MYH1: variants seen among roughly 807,000 people sequenced by gnomAD.
MYH1 encodes myosin heavy chain 1.
In MYH1, 214 loss-of-function variants were observed where a neutral mutation model predicts 225.6. The ratio of observed to expected loss-of-function variants is 0.95; its 90% CI spans 0.85 to 1.06. The LOEUF is 1.06. Ranked by LOEUF, MYH1 falls within the 50% of genes least tolerant of loss-of-function variation. MYH1 has a pLI of 0.00. For synonymous variants in MYH1, 774 were observed against 842.3 expected, an observed-to-expected ratio of 0.92 and a Z score of 1.40; for missense variants, 2,098 against 2,344.2, an observed-to-expected ratio of 0.89 and a Z score of 2.17.
chr17:10,511,988 C>T lies in MYH1; in HGVS notation c.1267G>A (p.Val423Met), dbSNP rs771746008. The change falls in exon 14 of 40, where the codon GTG becomes ATG. Residue 423 changes from valine (V) to methionine (M), a missense_variant and splice_region_variant. Coordinates refer to ENST00000226207, the MANE Select transcript of MYH1 (RefSeq NM_005963.4). ...YVTKGQTVQQ[V>M]YNAVGALAKA... ...GCCAGAGCACCCACTGCATTGTACA[C>T]CTTCACAGATAAAGTTTGTTGGTGT... 1.2e-6 allele frequency: 2 copies of T among 1,614,036 alleles called. No individual in the cohort carries two copies. The highest frequency in any genetic ancestry group is 1.7e-6 in the Non-Finnish European group (2 of 1,180,034).
intron 28 of MYH1, among the ~76,000 whole-genome samples, chr17:10,499,818 A>ACT: frequency 6.6e-6 from 1 of 152,216 alleles, no homozygotes; most frequent in Non-Finnish European, 1.5e-5. Context: ...AAAGAATAGT[A>ACT]TTTGAATACC....
rs144243564 is a variant in MYH1 at position 10,505,798 on chromosome 17, C to CA, written c.2174+13dup. On this transcript the variant is annotated intron_variant, in intron 19 of 39. Coordinates refer to ENST00000226207, the MANE Select transcript of MYH1 (RefSeq NM_005963.4). ...AAAAACCTCTTAAAATAATTTACAG[C>CA]AAAAATGTCTGACCTCTGTTTGAAG... 7.8e-4 allele frequency: 1,259 copies of CA among 1,613,504 alleles called. 10 individuals carry two copies. In the African/African-American group the frequency reaches 0.014, roughly 18 times the overall value.
rs142884848 is a variant in MYH1 at position 10,498,651 on chromosome 17, G to T, written c.4156C>A (p.Arg1386Ser). Residue 1386 changes from arginine to serine, a missense_variant, in exon 30 of 40, where the codon CGC (arginine) becomes AGC (serine). By Grantham distance (110) the Arg-to-Ser change is moderately radical. Transcript: ENST00000226207. Reference protein sequence around the residue: ...RTKYETDAIQRTEELEEAKKK... With the variant: ...RTKYETDAIQSTEELEEAKKK... ...TTGGCCTCCTCCAGCTCCTCTGTGC[G>T]CTGGATGGCATCTGTCTCATATTTG... 1 of 1,613,946 alleles carries T rather than the reference G, an allele frequency of 6.2e-7. No homozygotes were observed.
Position 10,509,479 on chromosome 17 carries a change from G to A in MYH1, c.1587+6C>T. The A allele has an allele frequency of 6.2e-7, 1 of 1,614,080 alleles. No individual in the cohort carries two copies. Among genetic ancestry groups the A allele is most frequent in the Non-Finnish European group, 8.5e-7 (1 of 1,180,006 alleles). On this transcript the variant is annotated splice_donor_region_variant and intron_variant, in intron 15 of 39. Coordinates refer to ENST00000226207, the MANE Select transcript of MYH1 (RefSeq NM_005963.4). ...ATGATCTGTGGTCTGCAAAAAGCAA[G>A]CCAACCTTCTCGATGAGCTCGATGC...
chr17:10,492,846 G>GTT (rs61147841), intron 39 of MYH1, among the ~76,000 whole-genome samples: 41,148 of 146,368 alleles, frequency 0.28, 5,705 homozygotes, highest in East Asian at 0.33. Flanking sequence ...GTCCAGCTTT[G>GTT]TTTTTTTTTT....
chr17:10,511,103 G>A (rs992171069), intron 14 of MYH1, among the ~76,000 whole-genome samples: 9 of 151,338 alleles, frequency 5.9e-5, no homozygotes, highest in East Asian at 1.9e-4. Flanking sequence ...AAGTGCTTCC[G>A]TTTCTAAAAT....
chr17:10,502,981 C>G (rs1198414390), intron 23 of MYH1, 25 bp downstream of exon 23: 12 of 1,613,992 alleles, frequency 7.4e-6, no homozygotes, highest in South Asian at 5.5e-5. Context: ...AACCTCTATA[C>G]AGTACTGTAG....
intron 33 of MYH1, 73 bp from the exon 34 acceptor site, chr17:10,496,622 T>C: frequency 6.3e-7 from 1 of 1,599,582 alleles, no homozygotes; most frequent in Non-Finnish European, 8.5e-7. Flanking sequence ...GAATGATTTA[T>C]CATTCATGAA....
intron 39 of MYH1, 43 bp from the exon 40 acceptor site, chr17:10,492,611 T>A: frequency 1.3e-6 from 2 of 1,574,916 alleles, no homozygotes; most frequent in Non-Finnish European, 1.7e-6. Flanking sequence ...AGTTCAGAAT[T>A]TTTCCATTCT....
chr17:10,512,554 G>A lies in MYH1; in HGVS notation c.1009-8C>T, dbSNP rs763419461. On this transcript the variant is annotated splice_region_variant and splice_polypyrimidine_tract_variant and intron_variant, in intron 11 of 39. Transcript: ENST00000226207. ...CAGAATTTCAATGGCACTCTACCAT[G>A]AGAGATGAGAAGACAAAGATTAGGG... The A allele has an allele frequency of 2.5e-6, 4 of 1,614,018 alleles. No individual in the cohort carries two copies. The East Asian group carries it at 6.7e-5, about 27-fold the overall frequency.
In MYH1 at chr17:10,495,235, T is replaced by C. The variant is rs1390197403; in HGVS notation, c.5252A>G (p.Glu1751Gly). ...GGCCTTCTCTTCTGCATTGCGGGCT[T>C]CCTGGATGATGTCTTCCATCTCTCC... ...IQGEMEDIIQ[E>G]ARNAEEKAKK... The change falls in exon 36 of 40, where the codon GAA (glutamate) becomes GGA (glycine). Residue 1751 changes from glutamate (E) to glycine (G), a missense_variant. Physicochemically the swap from Glu to Gly is moderately conservative, Grantham distance 98. Coordinates refer to ENST00000226207, the MANE Select transcript of MYH1 (RefSeq NM_005963.4). 1 of 1,614,122 alleles carries C rather than the reference T, an allele frequency of 6.2e-7. No individual in the cohort carries two copies. Among genetic ancestry groups the C allele is most frequent in the East Asian group, 2.2e-5 (1 of 44,888 alleles).
At position 10,511,986 on chromosome 17, in the gene MYH1, C is replaced by T. The variant is rs150185814; in HGVS notation, c.1269G>A (p.Val423=). Residue 423 remains valine, a splice_region_variant and synonymous_variant, in exon 14 of 40, where the codon GTG becomes GTA. Transcript: ENST00000226207. The part of the protein sequence containing the change: ...YVTKGQTVQQ[V]YNAVGALAKA... ...TGGCCAGAGCACCCACTGCATTGTA[C>T]ACCTTCACAGATAAAGTTTGTTGGT... 31,784 of 1,614,106 alleles carry T rather than the reference C, an allele frequency of 0.02. 439 individuals are homozygous for T. Among genetic ancestry groups the T allele is most frequent in the South Asian group, 0.033 (3,005 of 91,082 alleles).
intron 22 of MYH1, among the ~76,000 whole-genome samples, chr17:10,504,222 T>C (rs1387770188): frequency 6.6e-6 from 1 of 152,228 alleles, no homozygotes; most frequent in Non-Finnish European, 1.5e-5. Context: ...GGATAGTTAC[T>C]GGGACATTAG....
intron 6 of MYH1, 49 bp from the exon 7 acceptor site, chr17:10,514,173 C>T: frequency 6.3e-7 from 1 of 1,589,712 alleles, no homozygotes; most frequent in Non-Finnish European, 8.6e-7. Context: ...ACAAATGAAA[C>T]TACAACTACC....
At chr17:10,498,918 T>C (rs966656860) in intron 29 of MYH1, 56 bp downstream of exon 29, 41 of 1,602,782 alleles carry the variant, frequency 2.6e-5, no homozygotes, top group African/African-American at 4.0e-5. Context: ...TCTGTAAAAG[T>C]AAGCGAAAAA....
intron 30 of MYH1, 26 bp downstream of exon 30, chr17:10,498,600 C>T (rs753167190): frequency 2.9e-5 from 46 of 1,613,630 alleles, no homozygotes; most frequent in Admixed American, 5.0e-5. Flanking sequence ...ACTTATAGTT[C>T]CATTTTAACT....
chr17:10,501,312 C>A lies in MYH1; in HGVS notation c.3536G>T (p.Arg1179Leu), dbSNP rs543784627. ...TAGGGTGGCCTCCTCCAGGTCCCTG[C>A]GCATTTTCTGGAACTCAGCCTCCCG... ...KKREAEFQKM[R>L]RDLEEATLQH... is the part of the protein sequence containing the mutation. Residue 1179 changes from arginine to leucine, a missense_variant, in exon 27 of 40, where the codon CGC (arginine) becomes CTC (leucine). Arg to Leu is a moderately radical substitution (Grantham distance 102, BLOSUM62 -2). Transcript: ENST00000226207. The A allele has an allele frequency of 1.1e-5, 17 of 1,614,194 alleles. No homozygotes were observed. Among genetic ancestry groups the A allele is most frequent in the Non-Finnish European group, 1.4e-5 (17 of 1,180,032 alleles).
intron 39 of MYH1, among the ~76,000 whole-genome samples, chr17:10,493,435 A>G (rs1003202263): frequency 2.0e-5 from 3 of 152,196 alleles, no homozygotes; most frequent in Non-Finnish European, 2.9e-5. Context: ...CTCATTTGTG[A>G]TATGTAACTA....
At position 10,509,546 on chromosome 17, in the gene MYH1, A is replaced by G. The variant is rs372925604; in HGVS notation, c.1526T>C (p.Ile509Thr). 1.1e-4 allele frequency: 175 copies of G among 1,614,076 alleles called. No individual in the cohort carries two copies. Among genetic ancestry groups the G allele is most frequent in the Non-Finnish European group, 1.3e-4 (158 of 1,180,046 alleles). The stretch of plus-strand genomic sequence containing the variant: ...CCCAAAGTCAATGAACGTCCACTCA[A>G]TGCCTTCCTTCTTGTACTCCTCCTG... ...LEQEEYKKEG[I>T]EWTFIDFGMD... The change falls in exon 15 of 40, where the codon ATT becomes ACT. Residue 509 changes from isoleucine (I) to threonine (T), a missense_variant. Ile to Thr is a moderately conservative substitution (Grantham distance 89, BLOSUM62 -1). Coordinates refer to ENST00000226207, the MANE Select transcript of MYH1 (RefSeq NM_005963.4).
Sources: gnomAD v4.1 joint callset for allele counts (sites outside exome capture counted in the v4.1 genomes callset) on GRCh38, gnomAD v4.1.1 for gene constraint, MANE v1.5 for transcripts, NCBI Gene and HGNC (gene_info 2026-07-23, HGNC 2026-07-21) for gene names.